TOGARAM1: variants seen among roughly 807,000 people sequenced by gnomAD.
TOGARAM1 encodes TOG array regulator of axonemal microtubules 1.
A neutral mutation model predicts 166.6 loss-of-function variants in TOGARAM1; 100 were observed. The observed-to-expected ratio is 0.60, with a 90% CI of 0.51 to 0.71. The LOEUF (loss-of-function observed/expected upper bound fraction) is 0.71. Ranked by LOEUF, TOGARAM1 falls within the 30% of genes least tolerant of loss-of-function variation. The pLI is 0.00. For synonymous variants in TOGARAM1, 758 were observed against 763.8 expected, an observed-to-expected ratio of 0.99 and a Z score of 0.13; for missense variants, 2,029 against 2,102.7, an observed-to-expected ratio of 0.96 and a Z score of 0.69.
intron 1 of TOGARAM1, among the ~76,000 whole-genome samples, chr14:44,972,469 A>G (rs1885939780): frequency 6.6e-6 from 1 of 152,066 alleles, no homozygotes; most frequent in African/African-American, 2.4e-5. Context: ...ATTGAGGGGT[A>G]ATTAAGTCTC....
At chr14:45,024,558 T>A (rs1291532049) in intron 7 of TOGARAM1, among the ~76,000 whole-genome samples, 1 of 152,202 alleles carries the variant, frequency 6.6e-6, no homozygotes, top group Non-Finnish European at 1.5e-5. Context: ...TTTGATGAGA[T>A]TTGTCTGATC....
chr14:44,982,859 CTGTTT>C (rs1156629174), intron 1 of TOGARAM1, among the ~76,000 whole-genome samples: 2 of 152,122 alleles, frequency 1.3e-5, no homozygotes, highest in Non-Finnish European at 2.9e-5. Context: ...ATGGTAGGGA[CTGTTT>C]TATTTTTTTG....
chr14:45,048,314 CAAAAAA>C (rs1165258521), intron 14 of TOGARAM1, among the ~76,000 whole-genome samples: 51 of 43,736 alleles, frequency 1.2e-3, no homozygotes, highest in African/African-American at 3.4e-3. Flanking sequence ...GACTCCATCT[CAAAAAA>C]AAAAAAAAAA....
At chr14:45,027,977 T>C (rs1880953696) in intron 9 of TOGARAM1, among the ~76,000 whole-genome samples, 199 bp from the exon 10 acceptor site, 1 of 152,138 alleles carries the variant, frequency 6.6e-6, no homozygotes, top group South Asian at 2.1e-4. Context: ...AAGTATGTAA[T>C]ATACTTTGTA....
chr14:45,014,276 AC>A (rs1236617794), intron 7 of TOGARAM1, among the ~76,000 whole-genome samples: 1 of 151,724 alleles, frequency 6.6e-6, no homozygotes, highest in Non-Finnish European at 1.5e-5. Flanking sequence ...TGATCCACCC[AC>A]CTCGGCCTCC....
intron 7 of TOGARAM1, among the ~76,000 whole-genome samples, chr14:45,021,620 T>C (rs569160265): frequency 6.6e-6 from 1 of 152,246 alleles, no homozygotes; most frequent in East Asian, 1.9e-4. Flanking sequence ...CTTTTGGCAG[T>C]AGCCAGGGTT....
rs202156254 is a variant in TOGARAM1, at chr14:44,999,441, G to A, written c.2282G>A (p.Gly761Asp). 3.7e-6 allele frequency: 6 copies of A among 1,612,636 alleles called. No individual in the cohort carries two copies. The highest frequency in any genetic ancestry group is 1.1e-5 in the South Asian group (1 of 90,750). Residue 761 changes from glycine to aspartate, a missense_variant, in exon 3 of 20, where the codon GGC (glycine) becomes GAC (aspartate). Coordinates refer to ENST00000361462, the MANE Select transcript of TOGARAM1 (RefSeq NM_001308120.2). Reference protein sequence around the residue: ...LGFSQICGKTGSVGSDLQFLG... With the variant: ...LGFSQICGKTDSVGSDLQFLG... Reference sequence around the variant, plus strand: ...TTTTCACAAATATGTGGTAAAACTGGCAGTGTGGGTTCTGACTTACAATTC... The same window carrying A: ...TTTTCACAAATATGTGGTAAAACTGACAGTGTGGGTTCTGACTTACAATTC...
At chr14:44,968,035 A>C (rs747361939) in intron 1 of TOGARAM1, among the ~76,000 whole-genome samples, 3 of 152,158 alleles carry the variant, frequency 2.0e-5, no homozygotes, top group Admixed American at 6.5e-5. Context: ...AAAGAATCTG[A>C]AGATAAGTGC....
chr14:44,993,011 T>C (rs1021968136), intron 1 of TOGARAM1, among the ~76,000 whole-genome samples: 1 of 151,658 alleles, frequency 6.6e-6, no homozygotes, highest in African/African-American at 2.4e-5. Context: ...GCCTGTAATC[T>C]CAGCACTTTG....
At position 44,962,519 on chromosome 14, in the gene TOGARAM1, C is replaced by T; in HGVS notation, c.98C>T (p.Thr33Ile). 6.2e-7 allele frequency: 1 copy of T among 1,613,448 alleles called. No individual in the cohort carries two copies. The highest frequency in any genetic ancestry group is 8.5e-7 in the Non-Finnish European group (1 of 1,179,888). Residue 33 changes from threonine to isoleucine, a missense_variant, in exon 1 of 20, where the codon ACC becomes ATC. Physicochemically the swap from Thr to Ile is moderately conservative, Grantham distance 89. Coordinates refer to ENST00000361462, the MANE Select transcript of TOGARAM1 (RefSeq NM_001308120.2). ...CGCAGTCGTCCTTCCGCCCCAGAGA[C>T]CGATGATAGTCGAGTTGGGGGCATT... Reference protein sequence around the residue: ...QSRSRPSAPETDDSRVGGIMR... With the variant: ...QSRSRPSAPEIDDSRVGGIMR...
intron 1 of TOGARAM1, chr14:44,995,472 C>T: frequency 2.1e-6 from 1 of 484,684 alleles, no homozygotes; most frequent in Non-Finnish European, 4.1e-6. Flanking sequence ...TGTATTCTCT[C>T]CTTCCTTGTT....
In TOGARAM1 at chr14:44,987,019, A is replaced by C. The variant is rs894374371; in HGVS notation, c.2047-8727A>C. Among the ~76,000 whole-genome samples the C allele has an allele frequency of 2.6e-5, 4 of 151,144 alleles. No individual in the cohort carries two copies. In the South Asian group the frequency reaches 8.4e-4, roughly 32 times the overall value. On this transcript the variant is annotated intron_variant, in intron 1 of 19. Coordinates refer to ENST00000361462, the MANE Select transcript of TOGARAM1 (RefSeq NM_001308120.2). ...GACTCTGTCTCAAAAAAAAAAAAAA[A>C]GAAAGAAAAAAGAAAAAAAAATGTT...
intron 16 of TOGARAM1, among the ~76,000 whole-genome samples, chr14:45,065,731 C>A (rs777890568): frequency 6.6e-5 from 10 of 152,142 alleles, no homozygotes; most frequent in Non-Finnish European, 1.5e-4. Flanking sequence ...AGAGAGATTG[C>A]CCATTGGTTG....
At position 45,025,828 on chromosome 14, in the gene TOGARAM1, C is replaced by G; in HGVS notation, c.3284C>G (p.Thr1095Ser). 6.2e-7 allele frequency: 1 copy of G among 1,609,902 alleles called. No individual in the cohort carries two copies. The highest frequency in any genetic ancestry group is 2.2e-5 in the East Asian group (1 of 44,708). Residue 1095 changes from threonine (T) to serine (S), a missense_variant, in exon 8 of 20, where the codon ACC becomes AGC. By Grantham distance (58) the Thr-to-Ser change is moderately conservative. Coordinates refer to ENST00000361462, the MANE Select transcript of TOGARAM1 (RefSeq NM_001308120.2). ...PQQISSFDFT[T>S]TKALSEDSVV... ...CAAATTTCCAGTTTTGACTTCACAA[C>G]CACAAAGGCTTTATCAGAAGACTCA...
At chr14:44,971,299 G>C (rs1297672484) in intron 1 of TOGARAM1, among the ~76,000 whole-genome samples, 9 of 152,060 alleles carry the variant, frequency 5.9e-5, no homozygotes, top group African/African-American at 2.2e-4. Context: ...TGTCTTTCAA[G>C]GAATTGATCC....
chr14:45,028,070 G>A (rs924645961), intron 9 of TOGARAM1, 106 bp from the exon 10 acceptor site: 5 of 864,720 alleles, frequency 5.8e-6, no homozygotes, highest in Non-Finnish European at 8.8e-6. Context: ...ACACACTTAA[G>A]TAGTGACAGA....
At chr14:45,021,658 C>T (rs1480906234) in intron 7 of TOGARAM1, among the ~76,000 whole-genome samples, 1 of 152,122 alleles carries the variant, frequency 6.6e-6, no homozygotes, top group African/African-American at 2.4e-5. Flanking sequence ...ATCCTAGACT[C>T]CACTCCAGCC....
chr14:45,026,232 C>T (rs1880831759), intron 8 of TOGARAM1, among the ~76,000 whole-genome samples: 1 of 151,872 alleles, frequency 6.6e-6, no homozygotes, highest in African/African-American at 2.4e-5. Context: ...TAATTATCTC[C>T]CATACAAGAT....
chr14:45,063,479 G>GTTTTTTTTTTTTTTTTATTT (rs1882993315), intron 16 of TOGARAM1, among the ~76,000 whole-genome samples: 3 of 118,690 alleles, frequency 2.5e-5, no homozygotes, highest in African/African-American at 3.6e-5. Flanking sequence ...ATTTGACAAA[G>GTTTTTTTTTTTTTTTTATTT]TTTTTTTTTT....
Sources: gnomAD v4.1 joint callset for allele counts (sites outside exome capture counted in the v4.1 genomes callset) on GRCh38, gnomAD v4.1.1 for gene constraint, MANE v1.5 for transcripts, NCBI Gene and HGNC (gene_info 2026-07-23, HGNC 2026-07-21) for gene names.